The following JAK1 variants were observed in gnomAD, a reference collection of about 807,000 sequenced individuals.
JAK1 encodes the protein tyrosine-protein kinase JAK1.
Under a neutral mutation model 136.6 loss-of-function variants are expected in JAK1, and 16 were observed. That is an observed-to-expected ratio of 0.12 (90% CI 0.08 to 0.18). The LOEUF (loss-of-function observed/expected upper bound fraction) is 0.18, where lower values mean the gene tolerates loss of function less well. JAK1 is among the 10% of genes least tolerant of loss of function. The pLI is 1.00. For synonymous variants in JAK1, 492 were observed against 519.5 expected (o/e 0.95, Z 0.72); for missense variants, 859 against 1,450.1 (o/e 0.59, Z 6.62).
chr1:64,993,967 G>C (rs532056629), intron 2 of JAK1, among the ~76,000 whole-genome samples: 157 of 151,952 alleles, frequency 1.0e-3, no homozygotes, highest in Non-Finnish European at 1.6e-3. Context: ...TTGAGACAAG[G>C]TCTCTCTCTG....
chr1:64,919,416 T>C (rs1056420573), intron 1 of JAK1, among the ~76,000 whole-genome samples: 5 of 152,216 alleles, frequency 3.3e-5, no homozygotes, highest in Admixed American at 1.3e-4. Context: ...CAGTCTATCA[T>C]TGATGGACAT....
chr1:64,921,356 C>T (rs986469130), intron 1 of JAK1, among the ~76,000 whole-genome samples: 2 of 152,142 alleles, frequency 1.3e-5, no homozygotes, highest in Non-Finnish European at 2.9e-5. Context: ...CTCGCCTCTC[C>T]CTTTCTGCAC....
At chr1:64,943,625 A>C (rs1338051332) in intron 1 of JAK1, among the ~76,000 whole-genome samples, 1 of 152,150 alleles carries the variant, frequency 6.6e-6, no homozygotes, top group Non-Finnish European at 1.5e-5. Flanking sequence ...CTAAGAGTTA[A>C]ATATTTGTAG....
chr1:65,052,076 CG>C (rs1454902248), intron 1 of JAK1, among the ~76,000 whole-genome samples: 14 of 151,540 alleles, frequency 9.2e-5, no homozygotes, highest in Middle Eastern at 3.4e-3. Flanking sequence ...CCTCAGCCTC[CG>C]GAAGAGCTGG....
chr1:64,865,338 C>T (rs988239991), intron 7 of JAK1, among the ~76,000 whole-genome samples: 2 of 152,218 alleles, frequency 1.3e-5, no homozygotes, highest in Non-Finnish European at 2.9e-5. Context: ...AGATAACATA[C>T]TCTTCCCAGT....
chr1:64,911,390 G>A (rs534980057), intron 1 of JAK1, among the ~76,000 whole-genome samples: 1 of 152,276 alleles, frequency 6.6e-6, no homozygotes, highest in African/African-American at 2.4e-5. Context: ...CAGGCAAACA[G>A]AGACATATGG....
chr1:64,928,083 C>T (rs939079937), intron 1 of JAK1, among the ~76,000 whole-genome samples: 1 of 152,168 alleles, frequency 6.6e-6, no homozygotes, highest in African/African-American at 2.4e-5. Flanking sequence ...AGTTTAATGG[C>T]ACAAAAGGCA....
At chr1:64,866,293 G>T (rs1027275562) in intron 7 of JAK1, among the ~76,000 whole-genome samples, 18 of 152,160 alleles carry the variant, frequency 1.2e-4, no homozygotes, top group Non-Finnish European at 1.8e-4. Context: ...TCTGAACCCC[G>T]TCGACGTGGG....
In JAK1 at chr1:64,844,722, G is replaced by A. The variant is rs1655116985; in HGVS notation, c.2251+32C>T. The A allele has an allele frequency of 6.2e-7, 1 of 1,613,532 alleles. No individual in the cohort carries two copies. On this transcript the variant is annotated intron_variant, in intron 16 of 24. Coordinates refer to ENST00000342505, the MANE Select transcript of JAK1 (RefSeq NM_002227.4). The surrounding 1 kb of genome is among the most constrained non-coding windows in gnomAD (Gnocchi z 5.7). ...TCTGCTGACTTGCCCCTGACTCGGG[G>A]TGGGGCCAGAGGGAAGAGAGGGGAG...
intron 1 of JAK1, among the ~76,000 whole-genome samples, chr1:64,946,408 A>G (rs61784755): frequency 0.082 from 12,487 of 152,248 alleles, 635 homozygotes; most frequent in South Asian, 0.11. Flanking sequence ...AACTTCCCCA[A>G]AGTCATAGGT....
At chr1:65,027,016 C>A (rs1426981668) in intron 2 of JAK1, among the ~76,000 whole-genome samples, 3 of 151,760 alleles carry the variant, frequency 2.0e-5, no homozygotes, top group Non-Finnish European at 4.4e-5. Context: ...TTTGAGATGG[C>A]CTGGGTAGAG....
chr1:65,037,142 T>G (rs1647081722), intron 2 of JAK1, among the ~76,000 whole-genome samples: 1 of 151,990 alleles, frequency 6.6e-6, no homozygotes, highest in African/African-American at 2.4e-5. Flanking sequence ...TCTGTAATTA[T>G]GCCACTGCAC....
chr1:65,062,814 C>T (rs1325839985), intron 1 of JAK1, among the ~76,000 whole-genome samples: 1 of 152,126 alleles, frequency 6.6e-6, no homozygotes, highest in African/African-American at 2.4e-5. Flanking sequence ...CCACAAAATG[C>T]TAGCTCAACA....
intron 2 of JAK1, chr1:64,987,656 T>A (rs1646612848): frequency 6.6e-6 from 1 of 152,226 alleles, no homozygotes; most frequent in Non-Finnish European, 1.5e-5. Context: ...GGATGATGCC[T>A]CTAAGTCTTC....
intron 1 of JAK1, among the ~76,000 whole-genome samples, chr1:64,957,886 G>C (rs1376262224): frequency 6.6e-6 from 1 of 152,120 alleles, no homozygotes; most frequent in Non-Finnish European, 1.5e-5. Flanking sequence ...AGAGGTTGCA[G>C]TGAGCCGAGA....
rs1557699644 is a variant in JAK1, at chr1:64,928,797, C to CAAAAAAAAACA, written c.-78+37535_-78+37536insTGTTTTTTTTT. Among the ~76,000 whole-genome samples, 178 of 80,790 alleles carry CAAAAAAAAACA rather than the reference C, an allele frequency of 2.2e-3. 1 individual carries two copies. The highest frequency in any genetic ancestry group is 0.012 in the East Asian group (33 of 2,856). The allele number at this position is 80,790 out of a possible 152,430, so 53.0% of individuals were successfully genotyped here. The stretch of plus-strand genomic sequence containing the variant: ...ACTCTGCAAAAAAAAAAAAAAAAAA[C>CAAAAAAAAACA]AAAAAAAAAAAACTCTGCAAAAAAA... On this transcript the variant is annotated intron_variant, in intron 1 of 24. Transcript: ENST00000342505.
intron 22 of JAK1, among the ~76,000 whole-genome samples, chr1:64,837,649 TC>T (rs1171838230): frequency 6.6e-6 from 1 of 152,214 alleles, no homozygotes; most frequent in Non-Finnish European, 1.5e-5. Context: ...GAATGCCCTC[TC>T]CTGGAAAGCT....
At chr1:64,988,897 A>G (rs530438578) in intron 2 of JAK1, among the ~76,000 whole-genome samples, 1 of 149,944 alleles carries the variant, frequency 6.7e-6, no homozygotes, top group South Asian at 2.1e-4. Flanking sequence ...TAAAATAAAT[A>G]AAATTTAAAA....
At chr1:65,004,315 A>C (rs1359557675) in intron 2 of JAK1, among the ~76,000 whole-genome samples, 1 of 152,252 alleles carries the variant, frequency 6.6e-6, no homozygotes, top group Non-Finnish European at 1.5e-5. Flanking sequence ...CAGAATAAGC[A>C]AAACAGTGCT....
Sources: allele counts gnomAD v4.1 joint callset (sites outside exome capture counted in the v4.1 genomes callset), GRCh38; gene constraint gnomAD v4.1.1; non-coding constraint Gnocchi (gnomAD v3.1); transcripts MANE v1.5; gene names NCBI Gene and HGNC (gene_info 2026-07-23, HGNC 2026-07-21).